Variants in TULP4 observed in about 807,000 individuals in gnomAD.
TULP4 encodes TUB like protein 4, also known as tubby-related protein 4.
A neutral mutation model predicts 129.0 loss-of-function variants in TULP4; 16 were observed. The observed-to-expected ratio is 0.12, with a 90% CI of 0.08 to 0.19. The LOEUF (loss-of-function observed/expected upper bound fraction) is 0.19, where lower values mean the gene tolerates loss of function less well. TULP4 is among the 10% of genes least tolerant of loss of function. The pLI is 1.00. For synonymous variants in TULP4, 998 were observed against 854.0 expected (o/e 1.17, Z -2.94); for missense variants, 1,842 against 2,059.1 (o/e 0.89, Z 2.04).
chr6:158,254,426 A>T (rs1778209169), intron 1 of TULP4, among the ~76,000 whole-genome samples: 1 of 152,160 alleles, frequency 6.6e-6, no homozygotes. Context: ...TACAAGCGTG[A>T]GCCACCACAC....
intron 1 of TULP4, among the ~76,000 whole-genome samples, chr6:158,314,955 A>T (rs1779455252): frequency 6.6e-6 from 1 of 152,120 alleles, no homozygotes; most frequent in African/African-American, 2.4e-5. Flanking sequence ...AGTGTTAGGC[A>T]TTGTGTTTTA....
At chr6:158,287,674 G>A (rs1033932933) in intron 1 of TULP4, among the ~76,000 whole-genome samples, 6 of 152,216 alleles carry the variant, frequency 3.9e-5, no homozygotes, top group African/African-American at 7.2e-5. Context: ...CGGTGATGTC[G>A]AAGCTGCATC....
chr6:158,488,784 C>G (rs1053286724), intron 8 of TULP4, among the ~76,000 whole-genome samples: 4 of 150,500 alleles, frequency 2.7e-5, no homozygotes, highest in Non-Finnish European at 3.0e-5. Context: ...TGAGGACAGA[C>G]CTGGGGCAGT....
chr6:158,428,823 T>C (rs1778560515), intron 2 of TULP4, among the ~76,000 whole-genome samples: 1 of 152,230 alleles, frequency 6.6e-6, no homozygotes, highest in Non-Finnish European at 1.5e-5. Context: ...TTTTCCTGTT[T>C]CTGTCTCTTG....
intron 1 of TULP4, among the ~76,000 whole-genome samples, chr6:158,366,974 T>C (rs977296297): frequency 2.6e-5 from 4 of 152,194 alleles, no homozygotes; most frequent in Non-Finnish European, 4.4e-5. Context: ...ATGTCCAAAG[T>C]ATTGTGGCCT....
chr6:158,237,892 G>A (rs1777748993), intron 1 of TULP4: 1 of 740,244 alleles, frequency 1.4e-6, no homozygotes, highest in Non-Finnish European at 2.5e-6. Context: ...CTGTGCCAGG[G>A]TATGAATATC....
intron 1 of TULP4, among the ~76,000 whole-genome samples, chr6:158,314,666 C>T (rs546006663): frequency 6.6e-6 from 1 of 152,318 alleles, no homozygotes; most frequent in East Asian, 1.9e-4. Context: ...CCCTGATGTC[C>T]CACTGACAGT....
rs1779333365 is a variant in TULP4, at chr6:158,458,011, GCACGTGTGTATGCACATA to G, written c.860-3548_860-3531del. On this transcript the variant is annotated intron_variant, in intron 5 of 13. Coordinates refer to ENST00000367097, the MANE Select transcript of TULP4 (RefSeq NM_020245.5). ...TCCTCCACCCCCCACTGCTCCACAT[GCACGTGTGTATGCACATA>G]CACAACATGCATGTCTAATGACTAA... 2.0e-5 allele frequency among the ~76,000 whole-genome samples: 3 copies of G among 152,016 alleles called. No homozygotes were observed. In the South Asian group the frequency reaches 6.2e-4, roughly 32 times the overall value.
intron 8 of TULP4, among the ~76,000 whole-genome samples, chr6:158,488,243 C>T (rs75761420): frequency 0.1 from 15,676 of 152,180 alleles, 900 homozygotes; most frequent in Middle Eastern, 0.14. Flanking sequence ...GAATCACACA[C>T]ACAGGCACAT....
At chr6:158,482,907 G>C (rs936882302) in intron 8 of TULP4, among the ~76,000 whole-genome samples, 6 of 152,168 alleles carry the variant, frequency 3.9e-5, no homozygotes, top group African/African-American at 1.4e-4. Flanking sequence ...CCAAATGCCT[G>C]CTCTTCCTTC....
Position 158,481,432 on chromosome 6 carries a change from A to G in TULP4, c.1486+143A>G, listed in dbSNP as rs570902186. On this transcript the variant is annotated intron_variant, in intron 8 of 13. Coordinates refer to ENST00000367097, the MANE Select transcript of TULP4 (RefSeq NM_020245.5). ...TGTGGAACATCCTTGAAGCTACGAC[A>G]TTTCCAGAATCCCATTGAAATGAAC... 11 of 735,916 alleles carry G rather than the reference A, an allele frequency of 1.5e-5. No homozygotes were observed. In the East Asian group the frequency reaches 3.0e-4, roughly 20 times the overall value. The allele number at this position is 735,916 out of a possible 1,614,324, so 45.6% of individuals were successfully genotyped here. A position where few individuals can be genotyped will look rare whatever the true frequency, so the allele number is the denominator to read the frequency against.
chr6:158,330,151 TAA>T (rs1779844830), intron 1 of TULP4, among the ~76,000 whole-genome samples: 1 of 152,106 alleles, frequency 6.6e-6, no homozygotes, highest in Admixed American at 6.6e-5. Context: ...TTTTTTATAC[TAA>T]GTCTTTGAAA....
chr6:158,381,220 ACTT>A (rs1482444620), intron 1 of TULP4, among the ~76,000 whole-genome samples: 4 of 149,606 alleles, frequency 2.7e-5, no homozygotes, highest in Non-Finnish European at 5.9e-5. Context: ...TTTGATTCTG[ACTT>A]CTTCTGTGCC....
chr6:158,345,582 A>G (rs1344882656), intron 1 of TULP4, among the ~76,000 whole-genome samples: 1 of 152,218 alleles, frequency 6.6e-6, no homozygotes, highest in Non-Finnish European at 1.5e-5. Flanking sequence ...AAGGATTTCA[A>G]AAGGGGAGTG....
rs138525015 is a variant in TULP4, at chr6:158,316,717, G to A, written c.252+2449G>A. 2.4e-3 allele frequency among the ~76,000 whole-genome samples: 366 copies of A among 152,244 alleles called. 1 individual carries two copies. Among genetic ancestry groups the A allele is most frequent in the African/African-American group, 8.3e-3 (345 of 41,538 alleles). ...TAGTTCTGAAGCCCTGTTATGGTATGTCTGGGGCCTCTGCTTAGGTCTCCC... is the reference window on the plus strand; with the variant it reads ...TAGTTCTGAAGCCCTGTTATGGTATATCTGGGGCCTCTGCTTAGGTCTCCC... On this transcript the variant is annotated intron_variant, in intron 1 of 13. Transcript: ENST00000367097.
chr6:158,411,523 A>G (rs1006224539), intron 1 of TULP4, among the ~76,000 whole-genome samples: 3 of 152,184 alleles, frequency 2.0e-5, no homozygotes, highest in Admixed American at 6.5e-5. Flanking sequence ...AAAGATTGCA[A>G]CCTCACAGCT....
chr6:158,273,120 G>A (rs1050175023), intron 1 of TULP4, among the ~76,000 whole-genome samples: 7 of 152,218 alleles, frequency 4.6e-5, no homozygotes, highest in Non-Finnish European at 8.8e-5. Flanking sequence ...TGGAATGTGT[G>A]TTCTTCACAC....
chr6:158,286,338 A>C (rs538915295), intron 1 of TULP4, among the ~76,000 whole-genome samples: 1 of 152,370 alleles, frequency 6.6e-6, no homozygotes, highest in Non-Finnish European at 1.5e-5. Flanking sequence ...ATGTGGTGGT[A>C]GAAGTAATGC....
intron 1 of TULP4, among the ~76,000 whole-genome samples, chr6:158,267,323 C>G (rs1425561172): frequency 6.6e-6 from 1 of 152,184 alleles, no homozygotes; most frequent in African/African-American, 2.4e-5. Flanking sequence ...ATAAATCATA[C>G]TAGAAGATGC....
Sources: allele counts gnomAD v4.1 joint callset (sites outside exome capture counted in the v4.1 genomes callset), GRCh38; gene constraint gnomAD v4.1.1; transcripts MANE v1.5; gene names NCBI Gene and HGNC (gene_info 2026-07-23, HGNC 2026-07-21).